SH3D19: variants seen among roughly 807,000 people sequenced by gnomAD.
SH3D19 encodes SH3 domain containing 19.
SH3D19 carries 58 observed loss-of-function variants against 112.1 expected under a neutral mutation model. That is an observed-to-expected ratio of 0.52 (90% confidence interval 0.42 to 0.64). The LOEUF (loss-of-function observed/expected upper bound fraction) is 0.64. Among genes scored for constraint, SH3D19 ranks in the 30% least tolerant of loss-of-function variants. The pLI, the probability that SH3D19 is intolerant of heterozygous loss-of-function variation, is 0.00. For missense variants in SH3D19, 1,090 were observed against 1,263.4 expected, an observed-to-expected ratio of 0.86 and a Z score of 2.08; for synonymous variants, 391 against 448.5, an observed-to-expected ratio of 0.87 and a Z score of 1.62.
chr4:151,252,989 C>T lies in SH3D19; in HGVS notation c.113-26903G>A, dbSNP rs147775494. Reference sequence around the variant, plus strand: ...GGTCCAAATCCACCATCACCTCCTGCCCAGTTCACTGCAATAGTTTTCTGC... The same window carrying T: ...GGTCCAAATCCACCATCACCTCCTGTCCAGTTCACTGCAATAGTTTTCTGC... On this transcript the variant is annotated intron_variant, in intron 1 of 19. Coordinates refer to ENST00000604030, the MANE Select transcript of SH3D19 (RefSeq NM_001378122.1). Among the ~76,000 whole-genome samples, 451 of 152,326 alleles carry T rather than the reference C, an allele frequency of 3.0e-3. 1 individual carries two copies. The highest frequency in any genetic ancestry group is 4.1e-3 in the Non-Finnish European group (281 of 68,026).
At position 151,173,227 on chromosome 4, in the gene SH3D19, C is replaced by T. The variant is rs915902579; in HGVS notation, c.1534+1443G>A. On this transcript the variant is annotated intron_variant, in intron 7 of 19. Coordinates refer to ENST00000604030, the MANE Select transcript of SH3D19 (RefSeq NM_001378122.1). ...CTTGCTGCTGTTGGGTTTATCTATCCCTGTCCTTCTCTGAATCTTGTTAAT... is the reference window on the plus strand; with the variant it reads ...CTTGCTGCTGTTGGGTTTATCTATCTCTGTCCTTCTCTGAATCTTGTTAAT... Among the ~76,000 whole-genome samples the T allele has an allele frequency of 3.9e-5, 6 of 152,260 alleles. No individual in the cohort carries two copies. In the East Asian group the frequency reaches 9.6e-4, roughly 24 times the overall value.
intron 1 of SH3D19, among the ~76,000 whole-genome samples, chr4:151,267,166 A>AT (rs891080803): frequency 5.6e-5 from 5 of 88,560 alleles, no homozygotes; most frequent in Non-Finnish European, 1.5e-4. Flanking sequence ...CTAAAAAAAA[A>AT]AAAAAATAAA....
Position 151,176,881 on chromosome 4 carries a change from C to T in SH3D19, c.311G>A (p.Gly104Glu). The stretch of plus-strand genomic sequence containing the variant: ...TGCAGATGATGTAGGAAATCCCAGT[C>T]CTGGGGGTGGGGTTCCTGGAAACCA... ...ASWFPGTPPP[G>E]LGFPTSSAAG... The change falls in exon 5 of 20, where the codon GGA becomes GAA. Residue 104 changes from glycine to glutamate, a missense_variant. Transcript: ENST00000604030. The T allele has an allele frequency of 8.1e-7, 1 of 1,232,210 alleles. No homozygotes were observed. The highest frequency in any genetic ancestry group is 1.0e-6 in the Non-Finnish European group (1 of 987,992). 76.3% of individuals were successfully genotyped at this position (1,232,210 alleles called of 1,614,324 possible).
At chr4:151,260,776 G>A (rs1212432013) in intron 1 of SH3D19, among the ~76,000 whole-genome samples, 2 of 152,180 alleles carry the variant, frequency 1.3e-5, no homozygotes, top group African/African-American at 2.4e-5. Flanking sequence ...TTCAGTTCCT[G>A]GAGACTGCCA....
At chr4:151,167,530 A>T (rs1225990148) in intron 7 of SH3D19, among the ~76,000 whole-genome samples, 6 of 152,070 alleles carry the variant, frequency 3.9e-5, no homozygotes, top group Admixed American at 6.5e-5. Context: ...ATTTTATATC[A>T]ATTTCTTTGT....
chr4:151,133,695 A>G (rs1166470555), intron 15 of SH3D19, among the ~76,000 whole-genome samples: 1 of 152,214 alleles, frequency 6.6e-6, no homozygotes, highest in Non-Finnish European at 1.5e-5. Flanking sequence ...TTGATGTTCA[A>G]TAGATGCTCA....
In SH3D19 at chr4:151,159,304, G is replaced by A. The variant is rs1756730257; in HGVS notation, c.1691C>T (p.Pro564Leu). The change falls in exon 9 of 20, where the codon CCT becomes CTT. Residue 564 changes from proline to leucine, a missense_variant. By Grantham distance (98) the Pro-to-Leu change is moderately conservative. Transcript: ENST00000604030. ...QSPPPLPAEK[P>L]IGNTFSTVSG... ...TACTGTACTGAAAGTGTTTCCAATA[G>A]GTTTTTCAGCAGGGAGAGGAGGTGG... is the stretch of plus-strand genomic sequence containing the variant. 2 of 1,577,930 alleles carry A rather than the reference G, an allele frequency of 1.3e-6. No individual in the cohort carries two copies. The highest frequency in any genetic ancestry group is 1.9e-5 in the Admixed American group (1 of 52,040).
At chr4:151,321,395 A>AC (rs1322859610) in intron 1 of SH3D19, among the ~76,000 whole-genome samples, 1 of 152,182 alleles carries the variant, frequency 6.6e-6, no homozygotes. Flanking sequence ...GCACTAACAC[A>AC]CCAATCTCAG....
chr4:151,320,206 C>A (rs1730399061), intron 1 of SH3D19, among the ~76,000 whole-genome samples: 2 of 152,170 alleles, frequency 1.3e-5, no homozygotes, highest in African/African-American at 4.8e-5. Context: ...ATAAACACAT[C>A]AAAATATAGA....
chr4:151,138,019 C>G (rs1269068749), intron 13 of SH3D19, among the ~76,000 whole-genome samples, 157 bp from the exon 14 acceptor site: 1 of 152,016 alleles, frequency 6.6e-6, no homozygotes, highest in African/African-American at 2.4e-5. Flanking sequence ...AAATGCTATT[C>G]TTTTTTTGGA....
Position 151,295,737 on chromosome 4 carries a change from C to T in SH3D19, c.112+29504G>A, listed in dbSNP as rs543488746. The stretch of plus-strand genomic sequence containing the variant: ...ATATCTAAAAAACACATTAAAAGAA[C>T]CCTAGAAAACGGTTTTTAGGCCGGG... On this transcript the variant is annotated intron_variant, in intron 1 of 19. Transcript: ENST00000604030. Among the ~76,000 whole-genome samples, 15 of 152,298 alleles carry T rather than the reference C, an allele frequency of 9.8e-5. 1 individual carries two copies. The East Asian group carries it at 2.3e-3, about 24-fold the overall frequency.
At chr4:151,316,635 T>G (rs909016443) in intron 1 of SH3D19, among the ~76,000 whole-genome samples, 2 of 152,144 alleles carry the variant, frequency 1.3e-5, no homozygotes, top group Non-Finnish European at 2.9e-5. Context: ...AACAAATTTT[T>G]TTTCCCTTGG....
intron 2 of SH3D19, among the ~76,000 whole-genome samples, chr4:151,220,751 T>G (rs1580238078): frequency 6.6e-6 from 1 of 152,322 alleles, no homozygotes; most frequent in South Asian, 2.1e-4. Context: ...CACTTGGAGT[T>G]TTATAATGTA....
intron 1 of SH3D19, among the ~76,000 whole-genome samples, chr4:151,293,473 C>CA (rs569506630): frequency 0.043 from 4,325 of 100,778 alleles, 205 homozygotes; most frequent in African/African-American, 0.12. Flanking sequence ...ACTCCGTCTC[C>CA]AAAAAAAAAA....
At chr4:151,215,660 A>G (rs1156709587) in intron 2 of SH3D19, among the ~76,000 whole-genome samples, 2 of 152,240 alleles carry the variant, frequency 1.3e-5, no homozygotes, top group Middle Eastern at 3.2e-3. Context: ...ATTTCTGGAA[A>G]GATGGCCTAC....
intron 9 of SH3D19, among the ~76,000 whole-genome samples, chr4:151,158,294 A>C (rs192657546): frequency 8.4e-4 from 128 of 151,962 alleles, no homozygotes; most frequent in East Asian, 7.2e-3. Context: ...TTTATTCTTT[A>C]TTTATTTATT....
intron 2 of SH3D19, among the ~76,000 whole-genome samples, chr4:151,220,901 C>CT (rs1184591042): frequency 2.6e-5 from 4 of 152,136 alleles, no homozygotes; most frequent in Non-Finnish European, 5.9e-5. Flanking sequence ...GAAGAGAGTT[C>CT]TGTGGGACAT....
At chr4:151,248,631 A>C (rs182920954) in intron 1 of SH3D19, among the ~76,000 whole-genome samples, 54 of 152,308 alleles carry the variant, frequency 3.5e-4, no homozygotes, top group African/African-American at 1.3e-3. Context: ...AGCATTGAGA[A>C]ATTCTTCCAC....
chr4:151,268,408 TA>T (rs1196241977), intron 1 of SH3D19, among the ~76,000 whole-genome samples: 2 of 152,170 alleles, frequency 1.3e-5, no homozygotes, highest in African/African-American at 4.8e-5. Context: ...GTAGACTTTA[TA>T]AACACTGTAC....
Sources: allele counts gnomAD v4.1 joint callset (sites outside exome capture counted in the v4.1 genomes callset), GRCh38; gene constraint gnomAD v4.1.1; transcripts MANE v1.5; gene names NCBI Gene and HGNC (gene_info 2026-07-23, HGNC 2026-07-21).